The following SUPT3H variants were observed in gnomAD, a reference collection of about 807,000 sequenced individuals.
SUPT3H encodes the protein SPT3 homolog, SAGA and STAGA complex component.
A neutral mutation model predicts 44.3 loss-of-function variants in SUPT3H; 44 were observed. The ratio of observed to expected loss-of-function variants is 0.99; its 90% CI spans 0.78 to 1.28. SUPT3H has a LOEUF of 1.28. Among genes scored for constraint, SUPT3H ranks in the 50% most tolerant of loss-of-function variants. SUPT3H has a pLI of 0.00. For synonymous variants in SUPT3H, 124 were observed against 125.6 expected, an observed-to-expected ratio of 0.99 and a Z score of 0.09; for missense variants, 380 against 387.1, an observed-to-expected ratio of 0.98 and a Z score of 0.15.
chr6:45,190,918 T>G (rs550584375), intron 2 of SUPT3H, among the ~76,000 whole-genome samples: 2 of 152,198 alleles, frequency 1.3e-5, no homozygotes, highest in African/African-American at 4.8e-5. Flanking sequence ...CAATACCATA[T>G]GCTGACAAAG....
rs1304400119 is a variant in SUPT3H at position 44,828,248 on chromosome 6, A to AAAAT, written c.*1564_*1567dup. 4.0e-5 allele frequency among the ~76,000 whole-genome samples: 6 copies of AAAAT among 151,326 alleles called. No individual in the cohort carries two copies. The highest frequency in any genetic ancestry group is 2.1e-4 in the South Asian group (1 of 4,816). ...TTTTCCATGATTATGGATGCCAAGGAAAATAAGAATGATAAAAAGTTTAAT... is the reference window on the plus strand; with the variant it reads ...TTTTCCATGATTATGGATGCCAAGGAAAATAAATAAGAATGATAAAAAGTTTAAT... On this transcript the variant is annotated 3_prime_UTR_variant, in exon 11 of 11. Transcript: ENST00000371459.
At chr6:44,931,556 T>C (rs1352561560) in intron 10 of SUPT3H, among the ~76,000 whole-genome samples, 1 of 152,138 alleles carries the variant, frequency 6.6e-6, no homozygotes, top group Non-Finnish European at 1.5e-5. Context: ...AAAACATTCA[T>C]GCAAAAGGAT....
intron 3 of SUPT3H, among the ~76,000 whole-genome samples, chr6:45,062,130 T>C (rs775496444): frequency 6.6e-6 from 1 of 151,960 alleles, no homozygotes; most frequent in Non-Finnish European, 1.5e-5. Context: ...TGGCGTCTGA[T>C]ATGGCAAAGG....
At chr6:45,345,971 T>C (rs1219171160) in intron 2 of SUPT3H, among the ~76,000 whole-genome samples, 1 of 152,182 alleles carries the variant, frequency 6.6e-6, no homozygotes, top group East Asian at 1.9e-4. Context: ...ACTTGCAATA[T>C]TCCCTACCTA....
intron 5 of SUPT3H, 65 bp downstream of exon 5, chr6:45,014,736 A>C: frequency 8.7e-7 from 1 of 1,147,688 alleles, no homozygotes; most frequent in East Asian, 2.7e-5. Context: ...GAATTGCATA[A>C]ATGTGTTATC....
At chr6:44,950,260 G>A (rs562813006) in intron 9 of SUPT3H, among the ~76,000 whole-genome samples, 1 of 152,220 alleles carries the variant, frequency 6.6e-6, no homozygotes, top group African/African-American at 2.4e-5. Flanking sequence ...GCTCCACTGT[G>A]TCAATGTCCA....
chr6:45,145,462 T>A (rs1284312475), intron 2 of SUPT3H, among the ~76,000 whole-genome samples: 3 of 152,044 alleles, frequency 2.0e-5, no homozygotes, highest in African/African-American at 7.2e-5. Flanking sequence ...ACTGGCAAGC[T>A]ACATGTAGAA....
intron 2 of SUPT3H, among the ~76,000 whole-genome samples, chr6:45,347,616 T>C (rs1258170187): frequency 1.3e-5 from 2 of 152,102 alleles, no homozygotes; most frequent in African/African-American, 2.4e-5. Context: ...GGGGTCTGTC[T>C]GCAAAAGCAA....
At chr6:45,035,955 C>T (rs960798398) in intron 3 of SUPT3H, among the ~76,000 whole-genome samples, 4 of 151,378 alleles carry the variant, frequency 2.6e-5, no homozygotes, top group Admixed American at 6.6e-5. Context: ...AGAAAATTTC[C>T]CAGAAATGAA....
chr6:45,328,372 A>G, intron 2 of SUPT3H: 1 of 1,390,098 alleles, frequency 7.2e-7, no homozygotes, highest in South Asian at 1.1e-5. Context: ...TGCGGTGCAA[A>G]CTTTCTCCAG....
intron 9 of SUPT3H, among the ~76,000 whole-genome samples, chr6:44,940,445 C>T (rs1772213271): frequency 1.3e-5 from 2 of 152,006 alleles, no homozygotes; most frequent in Admixed American, 1.3e-4. Flanking sequence ...TGTTTAGTGG[C>T]CTAACATGTG....
At chr6:45,299,191 C>CAAA (rs55660746) in intron 2 of SUPT3H, among the ~76,000 whole-genome samples, 4 of 146,122 alleles carry the variant, frequency 2.7e-5, no homozygotes, top group Non-Finnish European at 6.0e-5. Context: ...ACTGAAAGTA[C>CAAA]AAAAAAAAAA....
At chr6:45,305,258 T>G (rs1782808938) in intron 2 of SUPT3H, among the ~76,000 whole-genome samples, 1 of 152,206 alleles carries the variant, frequency 6.6e-6, no homozygotes, top group Non-Finnish European at 1.5e-5. Flanking sequence ...TCACCACCTG[T>G]ATTACATAAT....
At chr6:44,890,682 A>G (rs963347364) in intron 10 of SUPT3H, among the ~76,000 whole-genome samples, 10 of 150,982 alleles carry the variant, frequency 6.6e-5, no homozygotes, top group African/African-American at 2.4e-4. Context: ...TGGGTGCAGC[A>G]CACCAGCATG....
intron 3 of SUPT3H, among the ~76,000 whole-genome samples, chr6:45,045,851 T>TTTG (rs1789310194): frequency 6.6e-6 from 1 of 152,210 alleles, no homozygotes; most frequent in Admixed American, 6.5e-5. Flanking sequence ...CAAATATTTT[T>TTTG]TGCCTGTAAG....
chr6:45,014,835 A>G lies in SUPT3H; in HGVS notation c.330T>C (p.Ile110=), dbSNP rs952948417. 2 of 1,592,940 alleles carry G rather than the reference A, an allele frequency of 1.3e-6. No individual in the cohort carries two copies. Among genetic ancestry groups the G allele is most frequent in the Admixed American group, 3.5e-5 (2 of 56,692 alleles). The change falls in exon 5 of 11, where the codon ATT becomes ATC. Residue 110 remains isoleucine (I), a synonymous_variant. Transcript: ENST00000371459. ...YMFIRDYKSK[I]VKGIDEDDLL... is the part of the protein sequence containing the mutation. ...GATCATCCTCATCGATGCCTTTGAC[A>G]ATCTTTGATTTGTAGTCTCGGATAA...
intron 2 of SUPT3H, among the ~76,000 whole-genome samples, chr6:45,148,717 T>C (rs1029436505): frequency 6.6e-6 from 1 of 152,196 alleles, no homozygotes; most frequent in Non-Finnish European, 1.5e-5. Flanking sequence ...TCAGGTCTTT[T>C]TCAATATAAA....
At chr6:44,964,281 A>T (rs924692071) in intron 6 of SUPT3H, among the ~76,000 whole-genome samples, 1 of 152,116 alleles carries the variant, frequency 6.6e-6, no homozygotes, top group Admixed American at 6.5e-5. Flanking sequence ...TGATTATCTA[A>T]TGATTCCTAC....
chr6:44,865,576 C>T (rs1775365773), intron 10 of SUPT3H, among the ~76,000 whole-genome samples: 1 of 152,024 alleles, frequency 6.6e-6, no homozygotes, highest in South Asian at 2.1e-4. Flanking sequence ...AGAGAATGAG[C>T]ACCAAATGAA....
Sources: allele counts gnomAD v4.1 joint callset (sites outside exome capture counted in the v4.1 genomes callset), GRCh38; gene constraint gnomAD v4.1.1; transcripts MANE v1.5; gene names NCBI Gene and HGNC (gene_info 2026-07-23, HGNC 2026-07-21).